Variants in ZFAND3 observed in about 807,000 individuals in gnomAD.
ZFAND3 encodes zinc finger AN1-type containing 3.
ZFAND3 carries 10 observed loss-of-function variants against 29.6 expected under a neutral mutation model. The ratio of observed to expected loss-of-function variants is 0.34; its 90% CI spans 0.21 to 0.57. The LOEUF (loss-of-function observed/expected upper bound fraction) is 0.57, where lower values mean the gene tolerates loss of function less well. Ranked by LOEUF, ZFAND3 falls within the 20% of genes least tolerant of loss-of-function variation. The pLI is 0.86. For missense variants in ZFAND3, 230 were observed against 304.5 expected (o/e 0.76, Z 1.82); for synonymous variants, 128 against 112.6 (o/e 1.14, Z -0.87).
At chr6:37,962,563 A>G (rs1243203725) in intron 2 of ZFAND3, among the ~76,000 whole-genome samples, 1 of 152,176 alleles carries the variant, frequency 6.6e-6, no homozygotes, top group East Asian at 1.9e-4. Context: ...TTGTGAACAC[A>G]CCAATCAGCG....
intron 3 of ZFAND3, among the ~76,000 whole-genome samples, chr6:38,075,725 G>C (rs1260729336): frequency 6.6e-6 from 1 of 151,038 alleles, no homozygotes; most frequent in Non-Finnish European, 1.5e-5. Context: ...TTTTGTGAAA[G>C]GAAGAGTCAG....
chr6:37,887,628 G>T (rs902185267), intron 1 of ZFAND3, among the ~76,000 whole-genome samples: 9 of 152,168 alleles, frequency 5.9e-5, no homozygotes, highest in African/African-American at 2.2e-4. Flanking sequence ...TTAGATTGGG[G>T]AACTTTGGTT....
At chr6:38,142,632 C>T (rs1322307649) in intron 5 of ZFAND3, among the ~76,000 whole-genome samples, 4 of 152,156 alleles carry the variant, frequency 2.6e-5, no homozygotes, top group Non-Finnish European at 5.9e-5. Flanking sequence ...AGGATAAGGT[C>T]GTTCCCAAAA....
intron 2 of ZFAND3, among the ~76,000 whole-genome samples, chr6:38,058,370 A>T (rs984525127): frequency 1.8e-4 from 27 of 152,246 alleles, no homozygotes; most frequent in Admixed American, 5.2e-4. Flanking sequence ...ATGAGATTAC[A>T]TGACATAAAA....
intron 1 of ZFAND3, among the ~76,000 whole-genome samples, chr6:37,920,465 C>T (rs1459348440): frequency 6.6e-6 from 1 of 152,068 alleles, no homozygotes; most frequent in Non-Finnish European, 1.5e-5. Context: ...TACAGGGCCA[C>T]AGATGATAAT....
intron 1 of ZFAND3, among the ~76,000 whole-genome samples, chr6:37,864,766 CACA>C (rs769201444): frequency 6.9e-6 from 1 of 145,360 alleles, no homozygotes; most frequent in African/African-American, 2.7e-5. Context: ...CACACACACA[CACA>C]CATGCACACA....
rs66941014 is a variant in ZFAND3, at chr6:37,918,951, C to CTTTTTTTTTTTTTT, written c.72-11001_72-10988dup. Among the ~76,000 whole-genome samples the CTTTTTTTTTTTTTT allele has an allele frequency of 6.4e-3, 674 of 104,644 alleles. 49 individuals are homozygous for CTTTTTTTTTTTTTT. Among genetic ancestry groups the CTTTTTTTTTTTTTT allele is most frequent in the Non-Finnish European group, 9.5e-3 (516 of 54,128 alleles). 68.7% of individuals were successfully genotyped at this position (104,644 alleles called of 152,430 possible). A position where few individuals can be genotyped will look rare whatever the true frequency, so the allele number is the denominator to read the frequency against. Reference sequence around the variant, plus strand: ...TGTGTTTTCAAAACATGAAAAATGCCTTTTTTTTTTTTTTTTTTTTGAGAC... The same window carrying CTTTTTTTTTTTTTT: ...TGTGTTTTCAAAACATGAAAAATGCCTTTTTTTTTTTTTTTTTTTTTTTTTTTTTTTTTTGAGAC... On this transcript the variant is annotated intron_variant, in intron 1 of 5. Transcript: ENST00000287218.
At chr6:38,054,218 CAAAAAAA>C (rs34198332) in intron 2 of ZFAND3, among the ~76,000 whole-genome samples, 6 of 112,046 alleles carry the variant, frequency 5.4e-5, no homozygotes, top group African/African-American at 1.4e-4. Context: ...CCATCTCTAT[CAAAAAAA>C]AAAAAAAAAA....
chr6:37,893,898 A>G lies in ZFAND3; in HGVS notation c.72-36061A>G, dbSNP rs555682845. On this transcript the variant is annotated intron_variant, in intron 1 of 5. Transcript: ENST00000287218. Reference sequence around the variant, plus strand: ...TCTTCAACTTTGTGTTATTGTTGTCATGCACTTTCACTTCTCCATATGTTA... The same window carrying G: ...TCTTCAACTTTGTGTTATTGTTGTCGTGCACTTTCACTTCTCCATATGTTA... Among the ~76,000 whole-genome samples the G allele has an allele frequency of 2.6e-5, 4 of 152,100 alleles. No individual in the cohort carries two copies. The East Asian group carries it at 7.8e-4, about 30-fold the overall frequency.
At position 38,154,546 on chromosome 6, in the gene ZFAND3, T is replaced by G. The variant is rs556483993; in HGVS notation, c.*2157T>G. 2.0e-5 allele frequency: 20 copies of G among 975,894 alleles called. No individual in the cohort carries two copies. In the African/African-American group the frequency reaches 2.8e-4, roughly 14 times the overall value. The allele number at this position is 975,894 out of a possible 1,614,324, so 60.5% of individuals were successfully genotyped here. A position where few individuals can be genotyped will look rare whatever the true frequency, so the allele number is the denominator to read the frequency against. ...TAGAGCTCAGTTTTAGTTTTAACATTGTGAAAATATTAAAAGAATCTTGTA... is the reference window on the plus strand; with the variant it reads ...TAGAGCTCAGTTTTAGTTTTAACATGGTGAAAATATTAAAAGAATCTTGTA... On this transcript the variant is annotated 3_prime_UTR_variant, in exon 6 of 6. Coordinates refer to ENST00000287218, the MANE Select transcript of ZFAND3 (RefSeq NM_021943.3).
chr6:37,861,201 G>T (rs1448407336), intron 1 of ZFAND3, among the ~76,000 whole-genome samples: 1 of 152,178 alleles, frequency 6.6e-6, no homozygotes, highest in Non-Finnish European at 1.5e-5. Flanking sequence ...AGGTTGCAGT[G>T]AGCCAAGATC....
intron 3 of ZFAND3, among the ~76,000 whole-genome samples, chr6:38,066,135 G>A (rs2127465178): frequency 6.6e-6 from 1 of 152,330 alleles, no homozygotes; most frequent in South Asian, 2.1e-4. Flanking sequence ...TAGGTTGAAA[G>A]CAGCTGTGCT....
rs191346404 is a variant in ZFAND3, at chr6:38,079,673, C to G, written c.296-2719C>G. 1.7e-3 allele frequency among the ~76,000 whole-genome samples: 260 copies of G among 152,234 alleles called. 1 individual carries two copies. The highest frequency in any genetic ancestry group is 6.0e-3 in the African/African-American group (249 of 41,524). Reference sequence around the variant, plus strand: ...GCATTTTGTTAGTTAAGCTGTTACCCTTGTGCACTGTGCAGCTCATGGTGT... The same window carrying G: ...GCATTTTGTTAGTTAAGCTGTTACCGTTGTGCACTGTGCAGCTCATGGTGT... On this transcript the variant is annotated intron_variant, in intron 3 of 5. Transcript: ENST00000287218.
At chr6:38,025,178 T>G (rs1389775159) in intron 2 of ZFAND3, among the ~76,000 whole-genome samples, 1 of 152,216 alleles carries the variant, frequency 6.6e-6, no homozygotes, top group Non-Finnish European at 1.5e-5. Context: ...GGGCTTAAGC[T>G]GCTGTAAAAA....
chr6:37,967,123 T>C (rs1762307283), intron 2 of ZFAND3, among the ~76,000 whole-genome samples: 1 of 152,228 alleles, frequency 6.6e-6, no homozygotes, highest in South Asian at 2.1e-4. Context: ...GTTACTCTTC[T>C]TGTTTTTGTA....
chr6:37,885,960 A>G (rs1764981506), intron 1 of ZFAND3, among the ~76,000 whole-genome samples: 1 of 152,032 alleles, frequency 6.6e-6, no homozygotes, highest in Non-Finnish European at 1.5e-5. Flanking sequence ...CGAACAGGCC[A>G]GGTGCGGTGG....
chr6:37,930,114 T>C, intron 2 of ZFAND3, 115 bp downstream of exon 2: 1 of 1,024,094 alleles, frequency 9.8e-7, no homozygotes, highest in Non-Finnish European at 1.4e-6. Context: ...TGGGGTTTTG[T>C]TTTCTTAGCT....
At chr6:37,981,040 A>G (rs1464060989) in intron 2 of ZFAND3, among the ~76,000 whole-genome samples, 1 of 152,246 alleles carries the variant, frequency 6.6e-6, no homozygotes, top group Admixed American at 6.5e-5. Flanking sequence ...CCAGGAGAAC[A>G]TAGCAAGGAG....
chr6:38,135,699 C>T (rs768478353), intron 5 of ZFAND3, among the ~76,000 whole-genome samples: 82 of 152,090 alleles, frequency 5.4e-4, no homozygotes, highest in South Asian at 1.7e-3. Flanking sequence ...GAGCCGAGAT[C>T]GCGCCACTGC....
Sources: allele counts gnomAD v4.1 joint callset (sites outside exome capture counted in the v4.1 genomes callset), GRCh38; gene constraint gnomAD v4.1.1; transcripts MANE v1.5; gene names NCBI Gene and HGNC (gene_info 2026-07-23, HGNC 2026-07-21).